The following PTPRD variants were observed in gnomAD, a reference collection of about 807,000 sequenced individuals.
PTPRD encodes receptor-type tyrosine-protein phosphatase delta.
In PTPRD, 34 loss-of-function variants were observed where a neutral mutation model predicts 214.5. The observed-to-expected ratio is 0.16, with a 90% CI of 0.12 to 0.21. The LOEUF is 0.21. PTPRD is among the 10% of genes least tolerant of loss of function. The pLI is 1.00. For synonymous variants in PTPRD, 1,128 were observed against 845.7 expected, an observed-to-expected ratio of 1.33 and a Z score of -5.79; for missense variants, 2,545 against 2,398.7, an observed-to-expected ratio of 1.06 and a Z score of -1.27.
At chr9:9,059,206 T>C (rs1207853536) in intron 10 of PTPRD, among the ~76,000 whole-genome samples, 1 of 152,168 alleles carries the variant, frequency 6.6e-6, no homozygotes, top group African/African-American at 2.4e-5. Context: ...CATTTTCCGT[T>C]AGGACTATTC....
At chr9:9,028,936 G>C (rs1303255842) in intron 10 of PTPRD, among the ~76,000 whole-genome samples, 1 of 151,756 alleles carries the variant, frequency 6.6e-6, no homozygotes, top group Non-Finnish European at 1.5e-5. Flanking sequence ...ATGAAAATGG[G>C]GGGCATAGAG....
At chr9:8,874,830 C>T (rs1216226915) in intron 11 of PTPRD, among the ~76,000 whole-genome samples, 3 of 152,144 alleles carry the variant, frequency 2.0e-5, no homozygotes, top group Non-Finnish European at 4.4e-5. Flanking sequence ...GAGCCTGGCT[C>T]CTAGGAAATG....
At chr9:9,997,282 G>A (rs1318553337) in intron 4 of PTPRD, among the ~76,000 whole-genome samples, 2 of 117,030 alleles carry the variant, frequency 1.7e-5, no homozygotes, top group African/African-American at 6.0e-5. Flanking sequence ...TTGAAGATAA[G>A]CAATTTTTTT....
chr9:9,266,789 C>T (rs941232429), intron 9 of PTPRD, among the ~76,000 whole-genome samples: 11 of 150,460 alleles, frequency 7.3e-5, no homozygotes, highest in South Asian at 2.1e-4. Context: ...TATAAAAACT[C>T]GTAAAATGTA....
chr9:9,371,598 G>T (rs1240439517), intron 9 of PTPRD, among the ~76,000 whole-genome samples: 1 of 152,014 alleles, frequency 6.6e-6, no homozygotes, highest in African/African-American at 2.4e-5. Flanking sequence ...AGGGTTTTTT[G>T]TGTCTCTATC....
chr9:9,765,464 C>A (rs1317014977), intron 6 of PTPRD, among the ~76,000 whole-genome samples: 1 of 152,038 alleles, frequency 6.6e-6, no homozygotes, highest in Non-Finnish European at 1.5e-5. Flanking sequence ...TACTCTAATA[C>A]AGGGAAAAAT....
intron 11 of PTPRD, among the ~76,000 whole-genome samples, chr9:8,906,888 C>A (rs1309043689): frequency 6.6e-6 from 1 of 152,048 alleles, no homozygotes; most frequent in Non-Finnish European, 1.5e-5. Flanking sequence ...CAAGCTCACA[C>A]AAAGGCAGAG....
chr9:9,947,421 T>C (rs1451553641), intron 4 of PTPRD, among the ~76,000 whole-genome samples: 5 of 34,226 alleles, frequency 1.5e-4, no homozygotes, highest in East Asian at 5.2e-3. Flanking sequence ...ATTTTATATA[T>C]ATATTATATA....
intron 9 of PTPRD, among the ~76,000 whole-genome samples, chr9:9,208,979 T>G (rs929655553): frequency 6.6e-6 from 1 of 151,982 alleles, no homozygotes; most frequent in South Asian, 2.1e-4. Context: ...GGCTAATTTT[T>G]TTGTGCTTTT....
intron 11 of PTPRD, among the ~76,000 whole-genome samples, chr9:8,951,825 G>A (rs530093182): frequency 2.0e-5 from 3 of 152,020 alleles, no homozygotes; most frequent in African/African-American, 7.2e-5. Flanking sequence ...TTCCACATTT[G>A]TCCTGCACTC....
chr9:10,241,149 T>TAATG (rs2090961357), intron 3 of PTPRD, among the ~76,000 whole-genome samples: 1 of 151,942 alleles, frequency 6.6e-6, no homozygotes, highest in Non-Finnish European at 1.5e-5. Context: ...CATGATGAGA[T>TAATG]ACTACTCTGT....
chr9:8,388,586 C>T (rs998772145), intron 37 of PTPRD, among the ~76,000 whole-genome samples: 1 of 152,164 alleles, frequency 6.6e-6, no homozygotes. Flanking sequence ...ATGTGCCATG[C>T]ACCATAATAT....
chr9:10,071,085 C>T (rs2098002585), intron 3 of PTPRD, among the ~76,000 whole-genome samples: 1 of 151,978 alleles, frequency 6.6e-6, no homozygotes, highest in South Asian at 2.1e-4. Flanking sequence ...ATGTGAAAAA[C>T]TACAAAACTC....
chr9:9,658,041 G>A lies in PTPRD; in HGVS notation c.-287+76492C>T, dbSNP rs566131883. On this transcript the variant is annotated intron_variant, in intron 7 of 45. Transcript: ENST00000381196. ...TTCGCTAAAATATTTGCCTCCATAT[G>A]TCTTCCAGCGGTATCTTTTGCAAAG... Among the ~76,000 whole-genome samples, 4 of 152,256 alleles carry A rather than the reference G, an allele frequency of 2.6e-5. No individual in the cohort carries two copies. In the East Asian group the frequency reaches 7.7e-4, roughly 29 times the overall value.
intron 9 of PTPRD, among the ~76,000 whole-genome samples, chr9:9,294,707 C>A (rs913585691): frequency 6.6e-6 from 1 of 151,592 alleles, no homozygotes; most frequent in African/African-American, 2.4e-5. Context: ...TTGCTGACAC[C>A]CTGATCTTAG....
At chr9:8,694,056 T>C (rs72700370) in intron 12 of PTPRD, among the ~76,000 whole-genome samples, 15,048 of 152,252 alleles carry the variant, frequency 0.099, 1,006 homozygotes, top group South Asian at 0.15. Context: ...TTAAGTCTTC[T>C]TGTAAATAAT....
intron 6 of PTPRD, among the ~76,000 whole-genome samples, chr9:9,748,141 G>T (rs906464870): frequency 1.3e-5 from 2 of 152,182 alleles, no homozygotes; most frequent in Non-Finnish European, 2.9e-5. Flanking sequence ...GTTCACTGCT[G>T]TAAAATAGTG....
intron 2 of PTPRD, among the ~76,000 whole-genome samples, chr9:10,364,861 T>A (rs762860641): frequency 6.6e-6 from 1 of 152,178 alleles, no homozygotes; most frequent in Non-Finnish European, 1.5e-5. Context: ...AGAATTACAT[T>A]TCCAATTGTG....
intron 11 of PTPRD, among the ~76,000 whole-genome samples, chr9:8,739,290 T>C (rs754648588): frequency 2.6e-5 from 4 of 152,216 alleles, no homozygotes; most frequent in African/African-American, 9.6e-5. Flanking sequence ...TTTCACTGAC[T>C]TGTGGATTTT....
Sources: allele counts gnomAD v4.1 joint callset (sites outside exome capture counted in the v4.1 genomes callset), GRCh38; gene constraint gnomAD v4.1.1; transcripts MANE v1.5; gene names NCBI Gene and HGNC (gene_info 2026-07-23, HGNC 2026-07-21).